TEX14: variants seen among roughly 807,000 people sequenced by gnomAD.
The protein encoded by TEX14 is testis expressed 14, intercellular bridge forming factor.
TEX14 carries 168 observed loss-of-function variants against 178.6 expected under a neutral mutation model. The observed-to-expected ratio is 0.94, with a 90% CI of 0.83 to 1.07. TEX14 has a LOEUF of 1.07. Among genes scored for constraint, TEX14 ranks in the 50% least tolerant of loss-of-function variants. TEX14 has a pLI of 0.00. For synonymous variants in TEX14, 626 were observed against 634.1 expected (o/e 0.99, Z 0.19); for missense variants, 1,730 against 1,753.6 (o/e 0.99, Z 0.24).
At chr17:58,666,573 A>G (rs2047213728) in intron 1 of TEX14, 1 of 151,958 alleles carries the variant, frequency 6.6e-6, no homozygotes, top group African/African-American at 2.4e-5. Flanking sequence ...CGCTACCACA[A>G]ATTATACACT....
chr17:58,563,979 C>T (rs1298821417), intron 28 of TEX14, among the ~76,000 whole-genome samples: 2 of 151,144 alleles, frequency 1.3e-5, no homozygotes, highest in Admixed American at 1.3e-4. Flanking sequence ...ATTAGGATGG[C>T]TACTATATTT....
At chr17:58,600,029 T>G (rs1256468840) in intron 13 of TEX14, among the ~76,000 whole-genome samples, 1 of 152,164 alleles carries the variant, frequency 6.6e-6, no homozygotes, top group Non-Finnish European at 1.5e-5. Context: ...GATGGGGTCT[T>G]GCTGTGTTGC....
At chr17:58,571,104 G>T (rs529225643) in intron 24 of TEX14, among the ~76,000 whole-genome samples, 1 of 152,116 alleles carries the variant, frequency 6.6e-6, no homozygotes, top group African/African-American at 2.4e-5. Context: ...CTTAGAATCT[G>T]CCCAATTAAC....
chr17:58,595,215 TTA>T (rs1264121260), intron 14 of TEX14, among the ~76,000 whole-genome samples: 4 of 152,152 alleles, frequency 2.6e-5, no homozygotes, highest in African/African-American at 9.7e-5. Context: ...AACTAAGAAA[TTA>T]AAGAAATAAA....
intron 3 of TEX14, among the ~76,000 whole-genome samples, chr17:58,627,853 A>ATATGGCC (rs1289070654): frequency 6.6e-6 from 1 of 150,822 alleles, no homozygotes; most frequent in East Asian, 1.9e-4. Flanking sequence ...GACTGTCCCA[A>ATATGGCC]TATGGCCTCC....
Position 58,623,062 on chromosome 17 carries a change from T to C in TEX14, c.252-50A>G, listed in dbSNP as rs188393766. 2,095 of 1,529,610 alleles carry C rather than the reference T, an allele frequency of 1.4e-3. 8 individuals are homozygous for C. The highest frequency in any genetic ancestry group is 5.0e-3 in the South Asian group (430 of 86,064). 94.8% of individuals were successfully genotyped at this position (1,529,610 alleles called of 1,614,324 possible). On this transcript the variant is annotated intron_variant, in intron 3 of 31. Transcript: ENST00000349033. ...GATGTCCATGGCAATGCTCCTGCAT[T>C]CCATGGAGCGGGGCTCAGCGTGCAA... is the stretch of plus-strand genomic sequence containing the variant.
chr17:58,636,475 T>C (rs1255170655), intron 2 of TEX14, among the ~76,000 whole-genome samples: 1 of 152,246 alleles, frequency 6.6e-6, no homozygotes, highest in Non-Finnish European at 1.5e-5. Flanking sequence ...GCACTATTCT[T>C]TTAATTCACT....
chr17:58,688,154 CTT>C (rs1598442194), intron 1 of TEX14, among the ~76,000 whole-genome samples: 1 of 152,110 alleles, frequency 6.6e-6, no homozygotes, highest in South Asian at 2.1e-4. Context: ...GAGTTTTCCT[CTT>C]GTCGCCCAGG....
intron 1 of TEX14, among the ~76,000 whole-genome samples, chr17:58,653,057 C>A (rs186566096): frequency 5.7e-4 from 87 of 152,264 alleles, no homozygotes; most frequent in Middle Eastern, 3.4e-3. Context: ...CTGCCTCAGC[C>A]TCCCGAGTAG....
At chr17:58,596,145 T>C (rs758153374) in intron 14 of TEX14, among the ~76,000 whole-genome samples, 10 of 151,960 alleles carry the variant, frequency 6.6e-5, no homozygotes, top group Non-Finnish European at 1.3e-4. Flanking sequence ...ATGGTGCCAC[T>C]GCACTCCACC....
chr17:58,610,982 G>A (rs546078566), intron 10 of TEX14, among the ~76,000 whole-genome samples, 179 bp downstream of exon 10: 1 of 152,182 alleles, frequency 6.6e-6, no homozygotes, highest in South Asian at 2.1e-4. Context: ...TTATTAAAAT[G>A]TCTCCAAATT....
chr17:58,605,902 A>C (rs182329561), intron 10 of TEX14, among the ~76,000 whole-genome samples: 24 of 152,284 alleles, frequency 1.6e-4, no homozygotes, highest in South Asian at 4.2e-4. Flanking sequence ...GAGAGTAGGC[A>C]ACTCATCTGC....
At chr17:58,638,878 T>TTTTTTTG (rs1567752044) in intron 2 of TEX14, among the ~76,000 whole-genome samples, 1 of 123,370 alleles carries the variant, frequency 8.1e-6, no homozygotes, top group African/African-American at 3.6e-5. Context: ...TTTTTTTTTT[T>TTTTTTTG]GGGGAGACGG....
Position 58,569,097 on chromosome 17 carries a change from T to C in TEX14, c.3886+95A>G. The stretch of plus-strand genomic sequence containing the variant: ...AACCAGGCCATCATACAGCCTTTTA[T>C]ACTAGTGTTCACACTTGAGACAAAG... On this transcript the variant is annotated intron_variant, in intron 26 of 31. Coordinates refer to ENST00000349033, the MANE Select transcript of TEX14 (RefSeq NM_031272.5). This position sits in a 1 kb window ranked among gnomAD's most constrained non-coding sequence, Gnocchi z 4.1. The C allele has an allele frequency of 9.4e-7, 1 of 1,063,152 alleles. No homozygotes were observed. The highest frequency in any genetic ancestry group is 1.4e-6 in the Non-Finnish European group (1 of 721,684). 65.9% of individuals were successfully genotyped at this position (1,063,152 alleles called of 1,614,324 possible).
chr17:58,593,858 C>T (rs551392830), intron 14 of TEX14, among the ~76,000 whole-genome samples, 197 bp from the exon 15 acceptor site: 3 of 152,084 alleles, frequency 2.0e-5, no homozygotes, highest in South Asian at 2.1e-4. Context: ...TATTTTGAGA[C>T]GGAGTCTGGC....
At chr17:58,684,384 C>A (rs1015574669) in intron 1 of TEX14, among the ~76,000 whole-genome samples, 1 of 151,678 alleles carries the variant, frequency 6.6e-6, no homozygotes, top group South Asian at 2.1e-4. Context: ...ATCGCTTGAA[C>A]ACGGGAGGCG....
At chr17:58,631,225 G>C in intron 2 of TEX14, 1 of 755,164 alleles carries the variant, frequency 1.3e-6, no homozygotes, top group Non-Finnish European at 1.6e-6. Context: ...TCTTTGGGAA[G>C]CCGAGGCGGG....
rs768686646 is a variant in TEX14, at chr17:58,570,378, A to C, written c.3817+7T>G. 3.3e-6 allele frequency: 5 copies of C among 1,496,462 alleles called. No individual in the cohort carries two copies. Among genetic ancestry groups the C allele is most frequent in the East Asian group, 5.4e-5 (2 of 37,160 alleles). 92.7% of individuals were successfully genotyped at this position (1,496,462 alleles called of 1,614,324 possible). On this transcript the variant is annotated splice_region_variant and intron_variant, in intron 25 of 31. Coordinates refer to ENST00000349033, the MANE Select transcript of TEX14 (RefSeq NM_031272.5). ...AAACTTCTATTTTGATATTAAACACAGGGTACCTTTAGGCAGGCTCCTTCT... is the reference window on the plus strand; with the variant it reads ...AAACTTCTATTTTGATATTAAACACCGGGTACCTTTAGGCAGGCTCCTTCT...
At chr17:58,561,952 G>C (rs1017514347) in intron 28 of TEX14, among the ~76,000 whole-genome samples, 2 of 152,108 alleles carry the variant, frequency 1.3e-5, no homozygotes, top group Non-Finnish European at 2.9e-5. Context: ...CGGCGTGGTC[G>C]CGTGCGCCTG....
Sources: gnomAD v4.1 joint callset for allele counts (sites outside exome capture counted in the v4.1 genomes callset) on GRCh38, gnomAD v4.1.1 for gene constraint, Gnocchi (gnomAD v3.1) non-coding constraint, MANE v1.5 for transcripts, NCBI Gene and HGNC (gene_info 2026-07-23, HGNC 2026-07-21) for gene names.